Variants in CREB3L2 observed in about 807,000 individuals in gnomAD.
The protein encoded by CREB3L2 is cAMP responsive element binding protein 3 like 2, also known as cyclic AMP-responsive element-binding protein 3-like protein 2.
CREB3L2 carries 23 observed loss-of-function variants against 57.2 expected under a neutral mutation model. The ratio of observed to expected loss-of-function variants is 0.40; its 90% CI spans 0.29 to 0.57. The LOEUF (loss-of-function observed/expected upper bound fraction) is 0.57. CREB3L2 is among the 20% of genes least tolerant of loss of function. The pLI, the probability that CREB3L2 is intolerant of heterozygous loss-of-function variation, is 0.42. For synonymous variants in CREB3L2, 268 were observed against 265.1 expected, an observed-to-expected ratio of 1.01 and a Z score of -0.11; for missense variants, 628 against 634.7, an observed-to-expected ratio of 0.99 and a Z score of 0.11.
rs1374240363 is a variant in CREB3L2, at chr7:137,880,202, C to T, written c.*274G>A. The T allele has an allele frequency of 6.2e-6, 3 of 486,236 alleles. No individual in the cohort carries two copies. The East Asian group carries it at 1.0e-4, about 17-fold the overall frequency. The allele number at this position is 486,236 out of a possible 1,614,324, so 30.1% of individuals were successfully genotyped here. A position where few individuals can be genotyped will look rare whatever the true frequency, so the allele number is the denominator to read the frequency against. ...GGCACTATTGGTGGAAACAAGCCTG[C>T]TTGTCCCACCTCCAACCCCTAAAAT... On this transcript the variant is annotated 3_prime_UTR_variant, in exon 12 of 12. Coordinates refer to ENST00000330387, the MANE Select transcript of CREB3L2 (RefSeq NM_194071.4). The surrounding 1 kb of genome is among the most constrained non-coding windows in gnomAD (Gnocchi z 4.0).
rs142973654 is a variant in CREB3L2, at chr7:137,910,214, G to A, written c.584-1778C>T. Among the ~76,000 whole-genome samples, 588 of 152,076 alleles carry A rather than the reference G, an allele frequency of 3.9e-3. 2 individuals carry two copies. The highest frequency in any genetic ancestry group is 6.6e-3 in the Non-Finnish European group (451 of 67,998). On this transcript the variant is annotated intron_variant, in intron 4 of 11. Coordinates refer to ENST00000330387, the MANE Select transcript of CREB3L2 (RefSeq NM_194071.4). ...CCCGTCAGCCAACCCTGGTCCCCCC[G>A]GCCCTGGCATGCTTTTTTTCTTCTC... is the stretch of plus-strand genomic sequence containing the variant.
rs1801692275 is a variant in CREB3L2, at chr7:137,980,347, AAG to A, written c.102+21255_102+21256del. On this transcript the variant is annotated intron_variant, in intron 1 of 11. Transcript: ENST00000330387. This position sits in a 1 kb window ranked among gnomAD's most constrained non-coding sequence, Gnocchi z 4.3. ...TCCCAGGTAAGTGTGATGTGCAGCC[AAG>A]ACTGAGACTCTTTGCTCTAGACCGT... Among the ~76,000 whole-genome samples the A allele has an allele frequency of 6.6e-6, 1 of 152,324 alleles. No homozygotes were observed. Among genetic ancestry groups the A allele is most frequent in the South Asian group, 2.1e-4 (1 of 4,828 alleles).
intron 1 of CREB3L2, chr7:137,956,681 T>C: frequency 8.0e-7 from 1 of 1,248,832 alleles, no homozygotes; most frequent in Non-Finnish European, 1.1e-6. Context: ...TTAACAATGA[T>C]AGTTATTTTA....
At chr7:137,946,027 G>C (rs1800966771) in intron 1 of CREB3L2, among the ~76,000 whole-genome samples, 1 of 152,056 alleles carries the variant, frequency 6.6e-6, no homozygotes, top group South Asian at 2.1e-4. Context: ...CCAAATTATA[G>C]TCTGTTAAAT....
intron 1 of CREB3L2, among the ~76,000 whole-genome samples, chr7:137,929,621 G>A (rs1764631810): frequency 6.6e-6 from 1 of 151,594 alleles, no homozygotes; most frequent in African/African-American, 2.4e-5. Flanking sequence ...CCAGGACTTT[G>A]GGAGGCCAAG....
intron 1 of CREB3L2, among the ~76,000 whole-genome samples, chr7:137,948,405 G>T (rs1801039445): frequency 6.6e-6 from 1 of 152,142 alleles, no homozygotes; most frequent in Non-Finnish European, 1.5e-5. Context: ...ATTATGGTAG[G>T]AACCAAAACT....
At chr7:137,996,601 G>T (rs1801991282) in intron 1 of CREB3L2, among the ~76,000 whole-genome samples, 1 of 152,172 alleles carries the variant, frequency 6.6e-6, no homozygotes, top group South Asian at 2.1e-4. Flanking sequence ...CACTCTCCGG[G>T]CCAGGCGGGA....
chr7:137,891,306 G>A (rs1218159825), intron 8 of CREB3L2, among the ~76,000 whole-genome samples: 1 of 152,216 alleles, frequency 6.6e-6, no homozygotes, highest in Non-Finnish European at 1.5e-5. Flanking sequence ...GAATCCAAGA[G>A]TGGGAGACAC....
At chr7:137,933,261 C>T (rs1031708581) in intron 1 of CREB3L2, among the ~76,000 whole-genome samples, 7 of 152,168 alleles carry the variant, frequency 4.6e-5, no homozygotes, top group Non-Finnish European at 8.8e-5. Flanking sequence ...CCTGCATTTC[C>T]AAGCCACAGT....
intron 1 of CREB3L2, among the ~76,000 whole-genome samples, chr7:137,929,223 ATCCC>A (rs1241285673): frequency 2.6e-5 from 4 of 152,046 alleles, no homozygotes; most frequent in African/African-American, 9.7e-5. Flanking sequence ...GGATTCCCAT[ATCCC>A]CTGTGACACT....
intron 1 of CREB3L2, among the ~76,000 whole-genome samples, chr7:137,930,490 G>A (rs1800592700): frequency 6.6e-6 from 1 of 152,240 alleles, no homozygotes; most frequent in Admixed American, 6.5e-5. Context: ...AAGGGAAGAT[G>A]GGAGATGTCC....
At chr7:137,909,166 C>T (rs991367915) in intron 4 of CREB3L2, among the ~76,000 whole-genome samples, 12 of 152,300 alleles carry the variant, frequency 7.9e-5, no homozygotes, top group Non-Finnish European at 1.0e-4. Flanking sequence ...TGGTCATGCC[C>T]GCAGGCAAGA....
chr7:137,944,331 A>G (rs1181074183), intron 1 of CREB3L2, among the ~76,000 whole-genome samples: 1 of 152,220 alleles, frequency 6.6e-6, no homozygotes, highest in Non-Finnish European at 1.5e-5. Context: ...CAGTAAAATT[A>G]AGAAATTGTG....
At chr7:137,917,277 T>C (rs1453554750) in intron 2 of CREB3L2, among the ~76,000 whole-genome samples, 1 of 152,158 alleles carries the variant, frequency 6.6e-6, no homozygotes, top group African/African-American at 2.4e-5. Flanking sequence ...TTGTATTTCT[T>C]AACAAGTTAC....
chr7:137,970,184 G>C (rs953113949), intron 1 of CREB3L2, among the ~76,000 whole-genome samples: 1 of 152,132 alleles, frequency 6.6e-6, no homozygotes, highest in African/African-American at 2.4e-5. Context: ...TGAATACAAA[G>C]GGTTGATTAT....
intron 1 of CREB3L2, among the ~76,000 whole-genome samples, chr7:137,969,761 A>AACACACACACAC (rs66931280): frequency 0.029 from 2,998 of 103,586 alleles, 68 homozygotes; most frequent in African/African-American, 0.054. Context: ...AGGGTCATCA[A>AACACACACACAC]ACACACACAC....
At chr7:137,996,809 A>T (rs982258687) in intron 1 of CREB3L2, among the ~76,000 whole-genome samples, 3 of 152,176 alleles carry the variant, frequency 2.0e-5, no homozygotes, top group Non-Finnish European at 2.9e-5. Context: ...ATAACCACCA[A>T]ATGATTTTAC....
In CREB3L2 at chr7:137,875,349, T is replaced by C. The variant is rs532820509; in HGVS notation, c.*5127A>G. On this transcript the variant is annotated 3_prime_UTR_variant, in exon 12 of 12. Coordinates refer to ENST00000330387, the MANE Select transcript of CREB3L2 (RefSeq NM_194071.4). The stretch of plus-strand genomic sequence containing the variant: ...AGTGCTGGTGTTCTCTATGAACTCA[T>C]AAACTGTTTTATCTGAAAAGGTGAT... 3.2e-5 allele frequency: 7 copies of C among 218,584 alleles called. No individual in the cohort carries two copies. The highest frequency in any genetic ancestry group is 1.3e-4 in the African/African-American group (6 of 44,624). 13.5% of individuals were successfully genotyped at this position (218,584 alleles called of 1,614,324 possible).
At chr7:137,914,654 G>A (rs1800087936) in intron 3 of CREB3L2, among the ~76,000 whole-genome samples, 1 of 151,902 alleles carries the variant, frequency 6.6e-6, no homozygotes, top group African/African-American at 2.4e-5. Flanking sequence ...AATAAATAAA[G>A]TAACTAAAAT....
Sources: allele counts gnomAD v4.1 joint callset (sites outside exome capture counted in the v4.1 genomes callset), GRCh38; gene constraint gnomAD v4.1.1; non-coding constraint Gnocchi (gnomAD v3.1); transcripts MANE v1.5; gene names NCBI Gene and HGNC (gene_info 2026-07-23, HGNC 2026-07-21).